Variants in GTF2B observed in about 807,000 individuals in gnomAD.
GTF2B encodes the protein transcription initiation factor IIB.
Under a neutral mutation model 34.6 loss-of-function variants are expected in GTF2B, and 20 were observed. The ratio of observed to expected loss-of-function variants is 0.58; its 90% CI spans 0.41 to 0.84. The LOEUF is 0.84. Among genes scored for constraint, GTF2B ranks in the 40% least tolerant of loss-of-function variants. The pLI is 0.00. For synonymous variants in GTF2B, 142 were observed against 132.4 expected (o/e 1.07, Z -0.50); for missense variants, 237 against 393.3 (o/e 0.60, Z 3.36).
At chr1:88,863,516 T>C (rs1326935148) in intron 3 of GTF2B, among the ~76,000 whole-genome samples, 1 of 152,026 alleles carries the variant, frequency 6.6e-6, no homozygotes, top group Non-Finnish European at 1.5e-5. Context: ...GGCTAATTTT[T>C]CTATTTTCCT....
intron 6 of GTF2B, among the ~76,000 whole-genome samples, chr1:88,855,483 G>C (rs1187529478): frequency 6.6e-6 from 1 of 151,104 alleles, no homozygotes; most frequent in African/African-American, 2.4e-5. Context: ...CTCCCGAGTA[G>C]CTGGGACTAC....
chr1:88,889,094 T>C (rs1253595110), intron 1 of GTF2B, among the ~76,000 whole-genome samples: 1 of 152,136 alleles, frequency 6.6e-6, no homozygotes, highest in Non-Finnish European at 1.5e-5. Context: ...GAAGAGAGGT[T>C]AGAACTATTC....
At chr1:88,859,801 A>G in intron 5 of GTF2B, 81 bp downstream of exon 5, 1 of 1,295,014 alleles carries the variant, frequency 7.7e-7, no homozygotes, top group Admixed American at 1.8e-5. Context: ...GCGCCACTGC[A>G]CTCTGGCCTG....
chr1:88,853,011 A>G lies in GTF2B; in HGVS notation c.*202T>C, dbSNP rs755542582. On this transcript the variant is annotated 3_prime_UTR_variant, in exon 7 of 7. Transcript: ENST00000370500. ...AAATACAGTTTCCTAGATTGCTACA[A>G]AAGAAATTTGATAAGAAATTTAAAT... The G allele has an allele frequency of 1.6e-4, 82 of 497,144 alleles. No individual in the cohort carries two copies. Among genetic ancestry groups the G allele is most frequent in the Admixed American group, 1.5e-4 (4 of 26,732 alleles). The allele number at this position is 497,144 out of a possible 1,614,324, so 30.8% of individuals were successfully genotyped here.
At chr1:88,869,039 T>C (rs889406110) in intron 2 of GTF2B, among the ~76,000 whole-genome samples, 30 of 152,084 alleles carry the variant, frequency 2.0e-4, no homozygotes, top group Non-Finnish European at 5.9e-5. Flanking sequence ...GCGCCCGGCC[T>C]GTATCTGTGT....
intron 5 of GTF2B, among the ~76,000 whole-genome samples, chr1:88,859,671 A>T (rs1179754594): frequency 6.6e-6 from 1 of 152,154 alleles, no homozygotes; most frequent in African/African-American, 2.4e-5. Context: ...CCCTGTCTCT[A>T]CTAAAAATAC....
intron 2 of GTF2B, among the ~76,000 whole-genome samples, chr1:88,880,546 A>G (rs769089954): frequency 7.9e-5 from 12 of 152,148 alleles, no homozygotes; most frequent in Non-Finnish European, 1.6e-4. Context: ...CTATGTTTCG[A>G]TATATAAATA....
chr1:88,882,195 A>G (rs1673963830), intron 2 of GTF2B, among the ~76,000 whole-genome samples: 1 of 151,284 alleles, frequency 6.6e-6, no homozygotes, highest in Non-Finnish European at 1.5e-5. Context: ...CTGTAATCCC[A>G]GGTACTCAGT....
At chr1:88,888,744 C>A (rs1483272142) in intron 1 of GTF2B, among the ~76,000 whole-genome samples, 2 of 152,132 alleles carry the variant, frequency 1.3e-5, no homozygotes, top group Non-Finnish European at 2.9e-5. Context: ...AAAGTATGAA[C>A]TAACCATACA....
At chr1:88,874,949 G>C (rs1673785579) in intron 2 of GTF2B, among the ~76,000 whole-genome samples, 1 of 151,362 alleles carries the variant, frequency 6.6e-6, no homozygotes, top group African/African-American at 2.4e-5. Context: ...AAAATCCAAG[G>C]TACTTTGGAA....
intron 1 of GTF2B, among the ~76,000 whole-genome samples, chr1:88,890,158 A>T (rs879301284): frequency 5.7e-4 from 66 of 116,098 alleles, no homozygotes; most frequent in Non-Finnish European, 8.6e-4. Context: ...TGATAGAATT[A>T]AAAAAAAAAA....
intron 2 of GTF2B, among the ~76,000 whole-genome samples, chr1:88,881,600 T>C (rs1012312352): frequency 6.6e-6 from 1 of 152,212 alleles, no homozygotes; most frequent in Non-Finnish European, 1.5e-5. Context: ...GGTAATGGAA[T>C]GGATTCTTCG....
chr1:88,857,021 G>C (rs1395437566), intron 6 of GTF2B, among the ~76,000 whole-genome samples, 185 bp downstream of exon 6: 2 of 152,030 alleles, frequency 1.3e-5, no homozygotes, highest in South Asian at 2.1e-4. Flanking sequence ...GGCTGGTCTC[G>C]AACTCCTGAC....
intron 2 of GTF2B, among the ~76,000 whole-genome samples, chr1:88,875,182 A>G (rs755843811): frequency 5.9e-5 from 9 of 152,240 alleles, no homozygotes; most frequent in Non-Finnish European, 1.2e-4. Context: ...ATAAAGAAAT[A>G]CTATTAATAA....
chr1:88,853,370 T>A, intron 6 of GTF2B, 24 bp from the exon 7 acceptor site: 1 of 1,604,218 alleles, frequency 6.2e-7, no homozygotes, highest in Non-Finnish European at 8.5e-7. Flanking sequence ...ATCGAAACAT[T>A]AACCATCATT....
At chr1:88,872,455 TAAAAAAAAAA>T (rs34668666) in intron 2 of GTF2B, among the ~76,000 whole-genome samples, 5 of 74,836 alleles carry the variant, frequency 6.7e-5, no homozygotes, top group East Asian at 1.0e-3. Context: ...TCCATCTCAA[TAAAAAAAAAA>T]AAAAAAAAAA....
At chr1:88,882,844 A>G (rs1248867415) in intron 2 of GTF2B, among the ~76,000 whole-genome samples, 2 of 152,240 alleles carry the variant, frequency 1.3e-5, no homozygotes, top group African/African-American at 4.8e-5. Flanking sequence ...GCCTTTTAAC[A>G]TACTGTTACA....
At chr1:88,889,867 T>C (rs1179915581) in intron 1 of GTF2B, among the ~76,000 whole-genome samples, 1 of 151,928 alleles carries the variant, frequency 6.6e-6, no homozygotes, top group Non-Finnish European at 1.5e-5. Flanking sequence ...AAAATAAAAA[T>C]TAATAAAATT....
intron 2 of GTF2B, among the ~76,000 whole-genome samples, chr1:88,884,023 CTTT>C (rs56745053): frequency 1.8e-5 from 2 of 111,204 alleles, no homozygotes; most frequent in Non-Finnish European, 1.9e-5. Flanking sequence ...TCAGCACTGA[CTTT>C]TTTTTTTTTT....
Sources: allele counts gnomAD v4.1 joint callset (sites outside exome capture counted in the v4.1 genomes callset), GRCh38; gene constraint gnomAD v4.1.1; transcripts MANE v1.5; gene names NCBI Gene and HGNC (gene_info 2026-07-23, HGNC 2026-07-21).